Variants in RAP1A observed in about 807,000 individuals in gnomAD.
RAP1A encodes the protein RAP1A, member of RAS oncogene family.
Under a neutral mutation model 26.4 loss-of-function variants are expected in RAP1A, and 6 were observed. That is an observed-to-expected ratio of 0.23 (90% CI 0.12 to 0.45). The LOEUF is 0.45. Among genes scored for constraint, RAP1A ranks in the 20% least tolerant of loss-of-function variants. The pLI is 0.99. For missense variants in RAP1A, 121 were observed against 217.2 expected (o/e 0.56, Z 2.78); for synonymous variants, 73 against 79.4 (o/e 0.92, Z 0.43).
intron 1 of RAP1A, among the ~76,000 whole-genome samples, chr1:111,655,994 A>G (rs561309): frequency 0.48 from 72,201 of 151,638 alleles, 17,440 homozygotes; most frequent in African/African-American, 0.55. Context: ...CGGCCTCCTA[A>G]TCTCTGATTA....
chr1:111,680,255 C>T (rs997885306), intron 1 of RAP1A, among the ~76,000 whole-genome samples: 5 of 152,156 alleles, frequency 3.3e-5, no homozygotes, highest in Admixed American at 6.5e-5. Flanking sequence ...TTATGAAGAG[C>T]GAAAGAACAA....
chr1:111,715,748 A>G lies in RAP1A; in HGVS notation c.*3347A>G, dbSNP rs1217333696. 1 of 152,248 alleles carries G rather than the reference A, an allele frequency of 6.6e-6. No individual in the cohort carries two copies. Among genetic ancestry groups the G allele is most frequent in the African/African-American group, 2.4e-5 (1 of 41,464 alleles). 9.4% of individuals were successfully genotyped at this position (152,248 alleles called of 1,614,324 possible). On this transcript the variant is annotated 3_prime_UTR_variant, in exon 8 of 8. Transcript: ENST00000369709. ...TTGGAAAAGTTAATACTTATAGAAA[A>G]TAATGATCTTTATTACCAACTTTAT...
chr1:111,610,640 T>G (rs756689678), intron 1 of RAP1A, among the ~76,000 whole-genome samples: 4 of 152,046 alleles, frequency 2.6e-5, no homozygotes, highest in Non-Finnish European at 4.4e-5. Context: ...CCCCTTAGGT[T>G]GTATCATTGT....
intron 1 of RAP1A, among the ~76,000 whole-genome samples, chr1:111,599,350 C>T (rs1158496551): frequency 6.6e-6 from 1 of 152,042 alleles, no homozygotes; most frequent in African/African-American, 2.4e-5. Context: ...GGACTACAGG[C>T]GCATGCCACC....
chr1:111,693,480 C>G (rs1423005089), intron 2 of RAP1A, among the ~76,000 whole-genome samples: 1 of 151,770 alleles, frequency 6.6e-6, no homozygotes, highest in Non-Finnish European at 1.5e-5. Context: ...AGGAGATGAT[C>G]CAGTACAAAA....
intron 1 of RAP1A, among the ~76,000 whole-genome samples, chr1:111,567,009 C>A (rs551868405): frequency 9.2e-5 from 14 of 151,804 alleles, no homozygotes; most frequent in African/African-American, 3.4e-4. Flanking sequence ...CATGGTATAT[C>A]GATAGTTTTA....
chr1:111,650,267 A>G (rs747510384), intron 1 of RAP1A, among the ~76,000 whole-genome samples: 2 of 152,074 alleles, frequency 1.3e-5, no homozygotes, highest in African/African-American at 2.4e-5. Flanking sequence ...TATGTCTGCT[A>G]TCTTTTGCAT....
intron 1 of RAP1A, among the ~76,000 whole-genome samples, chr1:111,637,281 A>G (rs1368046290): frequency 1.3e-5 from 2 of 152,212 alleles, no homozygotes; most frequent in African/African-American, 4.8e-5. Flanking sequence ...TACATAGATT[A>G]CTTAAGTCAA....
chr1:111,644,181 G>A (rs1290921993), intron 1 of RAP1A, among the ~76,000 whole-genome samples: 1 of 151,306 alleles, frequency 6.6e-6, no homozygotes, highest in Non-Finnish European at 1.5e-5. Flanking sequence ...CCGTTACATG[G>A]TTCAATATAT....
rs1662415693 is a variant in RAP1A, at chr1:111,712,527, T to C, written c.*126T>C. The stretch of plus-strand genomic sequence containing the variant: ...AAGAGGCTTCTCCTGTTTTATATAT[T>C]ATGTGAAGAATTTAGATCTTATATT... On this transcript the variant is annotated 3_prime_UTR_variant, in exon 8 of 8. Coordinates refer to ENST00000369709, the MANE Select transcript of RAP1A (RefSeq NM_002884.4). 1.3e-5 allele frequency: 2 copies of C among 152,532 alleles called. No individual in the cohort carries two copies. The highest frequency in any genetic ancestry group is 1.3e-4 in the Admixed American group (2 of 15,280). 9.4% of individuals were successfully genotyped at this position (152,532 alleles called of 1,614,324 possible). A position where few individuals can be genotyped will look rare whatever the true frequency, so the allele number is the denominator to read the frequency against.
intron 1 of RAP1A, among the ~76,000 whole-genome samples, chr1:111,610,931 C>T (rs1212118012): frequency 6.6e-6 from 1 of 151,760 alleles, no homozygotes; most frequent in Admixed American, 6.6e-5. Context: ...AGCAAATATT[C>T]AGAAAGTGAC....
At chr1:111,649,566 TGAGAGG>T in intron 1 of RAP1A, 1 of 237,304 alleles carries the variant, frequency 4.2e-6, no homozygotes, top group Non-Finnish European at 8.7e-6. Context: ...GGGAGGAGAG[TGAGAGG>T]ATAGGACTCA....
intron 1 of RAP1A, among the ~76,000 whole-genome samples, chr1:111,582,068 C>T (rs912359303): frequency 2.0e-5 from 3 of 152,120 alleles, no homozygotes; most frequent in Non-Finnish European, 4.4e-5. Flanking sequence ...AAGTTGTTTC[C>T]ATTGTACTAT....
intron 1 of RAP1A, among the ~76,000 whole-genome samples, chr1:111,675,752 T>C (rs1215574710): frequency 6.6e-6 from 1 of 152,202 alleles, no homozygotes; most frequent in African/African-American, 2.4e-5. Context: ...ACTATGTATG[T>C]ATATTAGTTC....
chr1:111,638,601 T>C (rs1437507735), intron 1 of RAP1A, among the ~76,000 whole-genome samples: 1 of 152,158 alleles, frequency 6.6e-6, no homozygotes, highest in Admixed American at 6.6e-5. Flanking sequence ...ACTTTTTGTA[T>C]TTTTTGTAGA....
At chr1:111,650,166 G>A (rs918558599) in intron 1 of RAP1A, among the ~76,000 whole-genome samples, 4 of 135,642 alleles carry the variant, frequency 2.9e-5, no homozygotes, top group African/African-American at 1.1e-4. Context: ...CTGTGAAAAA[G>A]GTAGGACAGA....
At chr1:111,670,449 G>C (rs1332239316) in intron 1 of RAP1A, among the ~76,000 whole-genome samples, 14 of 151,976 alleles carry the variant, frequency 9.2e-5, no homozygotes, top group Non-Finnish European at 1.6e-4. Context: ...ACTCCAGCCT[G>C]GGTGACAGAG....
At chr1:111,679,633 A>G (rs146549191) in intron 1 of RAP1A, among the ~76,000 whole-genome samples, 5 of 152,150 alleles carry the variant, frequency 3.3e-5, no homozygotes, top group African/African-American at 9.7e-5. Flanking sequence ...TCCCAACCCC[A>G]TGGAGTCCAG....
At chr1:111,564,771 C>G (rs1054125107) in intron 1 of RAP1A, among the ~76,000 whole-genome samples, 45 of 151,604 alleles carry the variant, frequency 3.0e-4, no homozygotes, top group African/African-American at 1.1e-3. Flanking sequence ...CTCGGCCTCC[C>G]AAAGTGCTAG....
Sources: allele counts gnomAD v4.1 joint callset (sites outside exome capture counted in the v4.1 genomes callset), GRCh38; gene constraint gnomAD v4.1.1; transcripts MANE v1.5; gene names NCBI Gene and HGNC (gene_info 2026-07-23, HGNC 2026-07-21).